The following ATRN variants were observed in gnomAD, a reference collection of about 807,000 sequenced individuals.
The protein encoded by ATRN is attractin-2.
In ATRN, 54 loss-of-function variants were observed where a neutral mutation model predicts 178.7. That is an observed-to-expected ratio of 0.30 (90% CI 0.24 to 0.38). The LOEUF (loss-of-function observed/expected upper bound fraction) is 0.38, where lower values mean the gene tolerates loss of function less well. ATRN is among the 10% of genes least tolerant of loss of function. The pLI is 1.00. For synonymous variants in ATRN, 636 were observed against 663.0 expected, an observed-to-expected ratio of 0.96 and a Z score of 0.63; for missense variants, 1,443 against 1,815.1, an observed-to-expected ratio of 0.79 and a Z score of 3.73.
At chr20:3,641,590 CAAAAAAAAAAAAA>C (rs61692220) in intron 27 of ATRN, among the ~76,000 whole-genome samples, 3 of 47,822 alleles carry the variant, frequency 6.3e-5, no homozygotes, top group African/African-American at 1.0e-4. Flanking sequence ...GACTCTGTCG[CAAAAAAAAAAAAA>C]AAAAAAAAAA....
intron 1 of ATRN, among the ~76,000 whole-genome samples, chr20:3,512,438 C>T (rs2085148108): frequency 6.6e-6 from 1 of 152,082 alleles, no homozygotes; most frequent in African/African-American, 2.4e-5. Context: ...GACATGAACT[C>T]ATCATTTTTT....
chr20:3,589,657 A>G (rs1357924707), intron 18 of ATRN, among the ~76,000 whole-genome samples: 1 of 152,010 alleles, frequency 6.6e-6, no homozygotes, highest in Non-Finnish European at 1.5e-5. Context: ...AAATGTGTAG[A>G]TCTGTCAATA....
At chr20:3,589,364 A>ATT (rs201351211) in intron 18 of ATRN, among the ~76,000 whole-genome samples, 1 of 146,812 alleles carries the variant, frequency 6.8e-6, no homozygotes, top group African/African-American at 2.5e-5. Context: ...CCTGTTAACG[A>ATT]TTTTTTTTTC....
chr20:3,626,101 G>A lies in ATRN; in HGVS notation c.3863+1529G>A, dbSNP rs148969567. 2.8e-3 allele frequency among the ~76,000 whole-genome samples: 429 copies of A among 152,074 alleles called. 3 individuals are homozygous for A. Among genetic ancestry groups the A allele is most frequent in the African/African-American group, 9.5e-3 (394 of 41,472 alleles). On this transcript the variant is annotated intron_variant, in intron 25 of 28. Transcript: ENST00000262919. ...ACAAAAATTAGCTGGGTGAGGTGGC[G>A]CAAGCCTGTAGTCCCAGCTAATCAG...
rs1264719036 is a variant in ATRN, at chr20:3,645,811, A to G, written c.4166-912A>G. ...GGCAAGTAACACGCTCCACTAACAC[A>G]ACTCCTGGCAGGTCTCAGCAGAGCT... On this transcript the variant is annotated intron_variant, in intron 28 of 28. Coordinates refer to ENST00000262919, the MANE Select transcript of ATRN (RefSeq NM_139321.3). The surrounding 1 kb of genome is among the most constrained non-coding windows in gnomAD (Gnocchi z 4.7). Among the ~76,000 whole-genome samples the G allele has an allele frequency of 6.6e-6, 1 of 151,184 alleles. No individual in the cohort carries two copies. Among genetic ancestry groups the G allele is most frequent in the East Asian group, 2.0e-4 (1 of 5,122 alleles).
At chr20:3,555,691 A>G (rs973885567) in intron 6 of ATRN, among the ~76,000 whole-genome samples, 10 of 152,216 alleles carry the variant, frequency 6.6e-5, no homozygotes, top group Admixed American at 5.2e-4. Context: ...CACTAAAGCT[A>G]TGGAAAGGAT....
At chr20:3,517,113 G>A (rs1406284616) in intron 1 of ATRN, among the ~76,000 whole-genome samples, 6 of 152,166 alleles carry the variant, frequency 3.9e-5, no homozygotes, top group South Asian at 2.1e-4. Context: ...GTGTAAAAGC[G>A]TTCCTATTTC....
intron 19 of ATRN, among the ~76,000 whole-genome samples, chr20:3,592,862 C>T (rs1382942425): frequency 6.6e-6 from 1 of 152,190 alleles, no homozygotes; most frequent in Non-Finnish European, 1.5e-5. Flanking sequence ...TCTTATTACC[C>T]TTCTAATGCC....
intron 24 of ATRN, among the ~76,000 whole-genome samples, chr20:3,609,188 C>T (rs186234369): frequency 6.6e-6 from 1 of 152,012 alleles, no homozygotes; most frequent in South Asian, 2.1e-4. Context: ...TTTGTGACCT[C>T]TTCAATTTCT....
intron 1 of ATRN, chr20:3,490,655 C>T (rs2084778640): frequency 1.2e-6 from 1 of 862,362 alleles, no homozygotes; most frequent in East Asian, 2.4e-5. Context: ...TGTGCCTCTT[C>T]ACTTGGATTC....
intron 24 of ATRN, among the ~76,000 whole-genome samples, chr20:3,606,433 C>G (rs1409895622): frequency 4.4e-5 from 2 of 45,524 alleles, no homozygotes; most frequent in Non-Finnish European, 8.3e-5. Context: ...CCTTTTCTCT[C>G]TTCACTGTTT....
chr20:3,560,828 G>C lies in ATRN; in HGVS notation c.1370G>C (p.Gly457Ala). Residue 457 changes from glycine to alanine, a missense_variant, in exon 8 of 29, where the codon GGC becomes GCC. Around this residue, in one of 4 missense-constraint regions of ATRN, gnomAD observed 862 missense variants for 972.1 expected, o/e 0.89. Coordinates refer to ENST00000262919, the MANE Select transcript of ATRN (RefSeq NM_139321.3). The stretch of plus-strand genomic sequence containing the variant: ...GCACACATTGTTACACTGAAGAATG[G>C]CCGAGTGGTCATGCTGGTCATCTTT... ...HSAHIVTLKNGRVVMLVIFGH... is the reference protein window; with the variant it reads ...HSAHIVTLKNARVVMLVIFGH... The C allele has an allele frequency of 6.2e-7, 1 of 1,614,124 alleles. No homozygotes were observed. Among genetic ancestry groups the C allele is most frequent in the Non-Finnish European group, 8.5e-7 (1 of 1,180,026 alleles).
rs559292386 is a variant in ATRN, at chr20:3,471,167, A to C, written c.60A>C (p.Ala20=). 1.8e-4 allele frequency: 265 copies of C among 1,504,300 alleles called. 2 individuals are homozygous for C. In the African/African-American group the frequency reaches 3.4e-3, roughly 20 times the overall value. 93.2% of individuals were successfully genotyped at this position (1,504,300 alleles called of 1,614,324 possible). Residue 20 remains alanine, a synonymous_variant, in exon 1 of 29, where the codon GCA becomes GCC. Transcript: ENST00000262919. Reference sequence around the variant, plus strand: ...TGAGGAGGAGGACGGCGGCGACGGCAGCGCTCGCGGGCAGGAGCGGCGGGC... The same window carrying C: ...TGAGGAGGAGGACGGCGGCGACGGCCGCGCTCGCGGGCAGGAGCGGCGGGC... ...ARLRRRTAAT[A]ALAGRSGGPH...
intron 11 of ATRN, among the ~76,000 whole-genome samples, chr20:3,567,635 T>C (rs1456597025): frequency 6.6e-6 from 1 of 152,216 alleles, no homozygotes; most frequent in Non-Finnish European, 1.5e-5. Flanking sequence ...AATAATTTAC[T>C]GAAAAAGAAA....
intron 1 of ATRN, among the ~76,000 whole-genome samples, chr20:3,503,331 G>T (rs1239672132): frequency 6.6e-6 from 1 of 152,116 alleles, no homozygotes; most frequent in Non-Finnish European, 1.5e-5. Context: ...CAAATCACTT[G>T]TCATACCATC....
At chr20:3,595,902 A>G (rs868069009) in intron 20 of ATRN, among the ~76,000 whole-genome samples, 2 of 152,122 alleles carry the variant, frequency 1.3e-5, no homozygotes, top group African/African-American at 2.4e-5. Context: ...TTTTTTTTCT[A>G]CAGACTGGTG....
intron 7 of ATRN, 120 bp from the exon 8 acceptor site, chr20:3,560,542 T>G: frequency 1.2e-6 from 1 of 849,716 alleles, no homozygotes; most frequent in Non-Finnish European, 1.8e-6. Flanking sequence ...GGTAGTTCTA[T>G]TTTTAGTTTC....
chr20:3,630,640 C>A (rs1568774520), intron 25 of ATRN, among the ~76,000 whole-genome samples: 1 of 152,138 alleles, frequency 6.6e-6, no homozygotes, highest in South Asian at 2.1e-4. Flanking sequence ...GACATTCAGT[C>A]CCTGGGCGAC....
At chr20:3,494,461 T>C (rs927779891) in intron 1 of ATRN, among the ~76,000 whole-genome samples, 12 of 152,058 alleles carry the variant, frequency 7.9e-5, no homozygotes, top group Admixed American at 6.6e-5. Flanking sequence ...ACGGGGGAGC[T>C]GGACTGAGCC....
Sources: gnomAD v4.1 joint callset for allele counts (sites outside exome capture counted in the v4.1 genomes callset) on GRCh38, gnomAD v4.1.1 for gene constraint, gnomAD v4.1.1 regional missense constraint, Gnocchi (gnomAD v3.1) non-coding constraint, MANE v1.5 for transcripts, NCBI Gene and HGNC (gene_info 2026-07-23, HGNC 2026-07-21) for gene names.